The following AKT3 variants were observed in gnomAD, a reference collection of about 807,000 sequenced individuals.
AKT3 encodes the protein AKT serine/threonine kinase 3.
Under a neutral mutation model 65.3 loss-of-function variants are expected in AKT3, and 15 were observed. The observed-to-expected ratio is 0.23, with a 90% confidence interval of 0.15 to 0.35. The LOEUF (loss-of-function observed/expected upper bound fraction) is 0.35. AKT3 is among the 10% of genes least tolerant of loss of function. The probability of loss-of-function intolerance (pLI) is 1.00; values close to 1 mark genes in which losing one functional copy is unlikely to be tolerated. For synonymous variants in AKT3, 206 were observed against 183.8 expected (o/e 1.12, Z -0.98); for missense variants, 243 against 576.5 (o/e 0.42, Z 5.92).
intron 2 of AKT3, among the ~76,000 whole-genome samples, chr1:243,821,248 A>T (rs991795239): frequency 4.6e-5 from 7 of 152,190 alleles, no homozygotes; most frequent in African/African-American, 1.7e-4. Context: ...AGAATTCACC[A>T]CTATCAGGCC....
chr1:243,655,966 T>C (rs1176945057), intron 4 of AKT3, among the ~76,000 whole-genome samples: 1 of 152,206 alleles, frequency 6.6e-6, no homozygotes, highest in African/African-American at 2.4e-5. Flanking sequence ...CTGGTGTCTT[T>C]TTAAAAAACA....
At chr1:243,551,164 T>A (rs1487532753) in intron 11 of AKT3, among the ~76,000 whole-genome samples, 1 of 152,052 alleles carries the variant, frequency 6.6e-6, no homozygotes, top group East Asian at 1.9e-4. Context: ...CTTCTACTCT[T>A]GGTCTGCATG....
chr1:243,801,366 G>A (rs1398857301), intron 2 of AKT3, among the ~76,000 whole-genome samples: 1 of 152,088 alleles, frequency 6.6e-6, no homozygotes, highest in Admixed American at 6.6e-5. Flanking sequence ...ACCATTAAAA[G>A]CCATTTTTGA....
At position 243,500,523 on chromosome 1, in the gene AKT3, A is replaced by C. The variant is rs1669175639; in HGVS notation, c.*4726T>G. The C allele has an allele frequency of 4.4e-6, 1 of 226,978 alleles. No homozygotes were observed. Among genetic ancestry groups the C allele is most frequent in the African/African-American group, 2.2e-5 (1 of 45,004 alleles). 14.1% of individuals were successfully genotyped at this position (226,978 alleles called of 1,614,324 possible). A position where few individuals can be genotyped will look rare whatever the true frequency, so the allele number is the denominator to read the frequency against. On this transcript the variant is annotated 3_prime_UTR_variant, in exon 14 of 14. Transcript: ENST00000673466. ...ACACAGATAATTATTTGTCTAAAAT[A>C]GTATTTCTACTATACACAATTAAGC...
At chr1:243,512,141 A>G (rs1239719489) in intron 13 of AKT3, among the ~76,000 whole-genome samples, 183 bp downstream of exon 13, 1 of 152,220 alleles carries the variant, frequency 6.6e-6, no homozygotes, top group Non-Finnish European at 1.5e-5. Context: ...TTTTGATATT[A>G]CCACTGGGAA....
intron 8 of AKT3, among the ~76,000 whole-genome samples, chr1:243,580,569 G>A (rs1365097777): frequency 6.6e-6 from 1 of 152,188 alleles, no homozygotes; most frequent in Non-Finnish European, 1.5e-5. Context: ...GGGCTTCACA[G>A]TCAAAACTGT....
In AKT3 at chr1:243,503,370, C is replaced by G. The variant is rs1669455725; in HGVS notation, c.*1879G>C. The G allele has an allele frequency of 4.3e-6, 1 of 230,360 alleles. No homozygotes were observed. The highest frequency in any genetic ancestry group is 2.3e-5 in the African/African-American group (1 of 43,752). 14.3% of individuals were successfully genotyped at this position (230,360 alleles called of 1,614,324 possible). On this transcript the variant is annotated 3_prime_UTR_variant, in exon 14 of 14. Coordinates refer to ENST00000673466, the MANE Select transcript of AKT3 (RefSeq NM_005465.7). ...AAGACATCTGCATATGAATATGATT[C>G]ATCCTACTTAGAAAGTCACTTGCTC...
At chr1:243,806,982 TATC>T (rs1292305043) in intron 2 of AKT3, among the ~76,000 whole-genome samples, 1 of 152,072 alleles carries the variant, frequency 6.6e-6, no homozygotes, top group African/African-American at 2.4e-5. Flanking sequence ...ATTCAGGCAA[TATC>T]ATCAATGGAG....
intron 2 of AKT3, among the ~76,000 whole-genome samples, chr1:243,782,716 C>T (rs372260793): frequency 1.3e-5 from 2 of 152,116 alleles, no homozygotes; most frequent in Admixed American, 6.5e-5. Context: ...GGACGATTAG[C>T]GTATCTTTGA....
At chr1:243,511,969 A>G (rs550330550) in intron 13 of AKT3, among the ~76,000 whole-genome samples, 1 of 152,348 alleles carries the variant, frequency 6.6e-6, no homozygotes, top group African/African-American at 2.4e-5. Context: ...GTTATGTGGG[A>G]ATGAACGAAG....
At position 243,695,678 on chromosome 1, in the gene AKT3, A is replaced by G. The variant is rs1286159953; in HGVS notation, c.85T>C (p.Leu29=). Residue 29 remains leucine (L), a synonymous_variant, in exon 3 of 14, where the codon TTG becomes CTG. Transcript: ENST00000673466. The part of the protein sequence containing the change: ...IKNWRPRYFL[L]KTDGSFIGYK... Reference sequence around the variant, plus strand: ...CCTATGAATGAGCCATCTGTCTTCAAAAGGAAGTATCTTGGCCTCCAGTTT... The same window carrying G: ...CCTATGAATGAGCCATCTGTCTTCAGAAGGAAGTATCTTGGCCTCCAGTTT... The G allele has an allele frequency of 6.2e-7, 1 of 1,608,534 alleles. No individual in the cohort carries two copies. The highest frequency in any genetic ancestry group is 8.5e-7 in the Non-Finnish European group (1 of 1,176,804).
intron 2 of AKT3, among the ~76,000 whole-genome samples, chr1:243,705,203 ATTATGAAG>A (rs1685720018): frequency 6.6e-6 from 1 of 152,206 alleles, no homozygotes; most frequent in Non-Finnish European, 1.5e-5. Context: ...GAGAAGCAAT[ATTATGAAG>A]TATAGTTTTC....
At chr1:243,657,752 C>G (rs1299113419) in intron 4 of AKT3, among the ~76,000 whole-genome samples, 1 of 152,084 alleles carries the variant, frequency 6.6e-6, no homozygotes, top group East Asian at 1.9e-4. Context: ...CATTCTAAAG[C>G]TTCAGTAATT....
At chr1:243,679,747 C>A (rs1246873053) in intron 3 of AKT3, among the ~76,000 whole-genome samples, 1 of 152,014 alleles carries the variant, frequency 6.6e-6, no homozygotes, top group African/African-American at 2.4e-5. Flanking sequence ...TCAGTCTAAG[C>A]CAACTTTGCT....
chr1:243,546,999 C>T (rs1243274524), intron 11 of AKT3: 1 of 152,188 alleles, frequency 6.6e-6, no homozygotes, highest in East Asian at 1.9e-4. Context: ...TGTTTAGTAA[C>T]TTTGGGATGG....
At chr1:243,545,645 G>T in intron 11 of AKT3, 48 bp from the exon 12 acceptor site, 1 of 1,307,168 alleles carries the variant, frequency 7.7e-7, no homozygotes, top group Non-Finnish European at 1.1e-6. Flanking sequence ...ATTTACATAA[G>T]CTCAAAGCAT....
chr1:243,723,915 C>T lies in AKT3; in HGVS notation c.47-28199G>A, dbSNP rs539635179. ...GCCTGAGAGACAGAGTAATATCTGT[C>T]TGGGGAAAAAAAGGTGTTTTCATTG... On this transcript the variant is annotated intron_variant, in intron 2 of 13. Transcript: ENST00000673466. Among the ~76,000 whole-genome samples the T allele has an allele frequency of 1.6e-3, 246 of 152,006 alleles. 9 individuals are homozygous for T. In the South Asian group the frequency reaches 0.05, roughly 31 times the overall value.
intron 2 of AKT3, among the ~76,000 whole-genome samples, chr1:243,767,693 C>A (rs1398774362): frequency 6.6e-6 from 1 of 151,790 alleles, no homozygotes; most frequent in Non-Finnish European, 1.5e-5. Context: ...CAAAATAACC[C>A]AGTGGGTAAA....
chr1:243,552,653 A>G, intron 11 of AKT3, 76 bp downstream of exon 11: 1 of 1,319,654 alleles, frequency 7.6e-7, no homozygotes. Context: ...GGAGTTAGTT[A>G]TATTTGAATT....
Sources: gnomAD v4.1 joint callset for allele counts (sites outside exome capture counted in the v4.1 genomes callset) on GRCh38, gnomAD v4.1.1 for gene constraint, MANE v1.5 for transcripts, NCBI Gene and HGNC (gene_info 2026-07-23, HGNC 2026-07-21) for gene names.